Variants in LCOR observed in about 807,000 individuals in gnomAD.
The protein encoded by LCOR is ligand-dependent corepressor.
Under a neutral mutation model 64.4 loss-of-function variants are expected in LCOR, and 14 were observed. The ratio of observed to expected loss-of-function variants is 0.22; its 90% CI spans 0.14 to 0.34. The LOEUF is 0.34. Among genes scored for constraint, LCOR ranks in the 10% least tolerant of loss-of-function variants. LCOR has a pLI of 1.00. For missense variants in LCOR, 1,686 were observed against 1,765.3 expected, an observed-to-expected ratio of 0.96 and a Z score of 0.80; for synonymous variants, 643 against 642.5, an observed-to-expected ratio of 1.00 and a Z score of -0.01.
At chr10:96,859,327 A>G (rs1845851584) in intron 2 of LCOR, among the ~76,000 whole-genome samples, 1 of 152,134 alleles carries the variant, frequency 6.6e-6, no homozygotes, top group South Asian at 2.1e-4. Flanking sequence ...CTCCTGCCTC[A>G]GCCTCCCAAG....
chr10:96,894,982 T>C (rs1020488039), intron 2 of LCOR, among the ~76,000 whole-genome samples: 2 of 152,210 alleles, frequency 1.3e-5, no homozygotes, highest in African/African-American at 4.8e-5. Flanking sequence ...TTCAGTCTCT[T>C]TTTCTTTCTA....
Position 96,982,956 on chromosome 10 carries a change from A to G in LCOR, c.2496A>G (p.Arg832=). The change falls in exon 8 of 8, where the codon AGA becomes AGG. Residue 832 remains arginine, a synonymous_variant. Transcript: ENST00000421806. ...SDSSSADRCL[R]NQSSDSSSAC... is the part of the protein sequence containing the mutation. ...CTTCCTCTGCTGACAGATGCCTAAGAAATCAGAGTTCAGATTCTTCCTCAG... is the reference window on the plus strand; with the variant it reads ...CTTCCTCTGCTGACAGATGCCTAAGGAATCAGAGTTCAGATTCTTCCTCAG... The G allele has an allele frequency of 6.2e-7, 1 of 1,613,162 alleles. No individual in the cohort carries two copies. Among genetic ancestry groups the G allele is most frequent in the South Asian group, 1.1e-5 (1 of 90,860 alleles).
intron 7 of LCOR, chr10:96,957,135 T>C: frequency 1.0e-6 from 1 of 984,974 alleles, no homozygotes; most frequent in Non-Finnish European, 1.2e-6. Context: ...CTGATCCAAA[T>C]ACTAGTAGAA....
intron 5 of LCOR, among the ~76,000 whole-genome samples, chr10:96,947,910 T>C (rs1310036209): frequency 6.6e-6 from 1 of 152,164 alleles, no homozygotes; most frequent in East Asian, 1.9e-4. Flanking sequence ...ATTGATTTGA[T>C]TGACCTATTT....
chr10:96,853,374 G>A (rs779453120), intron 2 of LCOR, among the ~76,000 whole-genome samples: 32 of 152,248 alleles, frequency 2.1e-4, no homozygotes, highest in Non-Finnish European at 4.1e-4. Context: ...ATCATAAACG[G>A]AAGAATAAAA....
intron 2 of LCOR, among the ~76,000 whole-genome samples, chr10:96,860,888 G>T (rs1010089619): frequency 1.3e-5 from 2 of 152,162 alleles, no homozygotes; most frequent in African/African-American, 4.8e-5. Context: ...AACGCCTACA[G>T]TAAATACATG....
intron 7 of LCOR, among the ~76,000 whole-genome samples, chr10:96,978,906 C>T (rs1405427772): frequency 6.6e-6 from 1 of 152,238 alleles, no homozygotes; most frequent in Non-Finnish European, 1.5e-5. Flanking sequence ...TCACAACAAT[C>T]CTTTGAGATA....
intron 4 of LCOR, among the ~76,000 whole-genome samples, chr10:96,931,462 C>G (rs982270235): frequency 6.6e-5 from 10 of 152,224 alleles, no homozygotes; most frequent in African/African-American, 2.4e-4. Context: ...TCTCAAACTC[C>G]TGACCTCAAG....
intron 7 of LCOR, among the ~76,000 whole-genome samples, chr10:96,969,563 A>G (rs1847979204): frequency 6.6e-6 from 1 of 152,168 alleles, no homozygotes; most frequent in Non-Finnish European, 1.5e-5. Flanking sequence ...TTGCATGGGT[A>G]GTAGAGTTTG....
intron 4 of LCOR, among the ~76,000 whole-genome samples, chr10:96,935,921 T>A (rs573178376): frequency 6.6e-6 from 1 of 152,220 alleles, no homozygotes; most frequent in South Asian, 2.1e-4. Context: ...TTGAAAATGA[T>A]GAAGATCTGT....
At chr10:96,841,129 G>A (rs1845532516) in intron 2 of LCOR, among the ~76,000 whole-genome samples, 1 of 152,188 alleles carries the variant, frequency 6.6e-6, no homozygotes, top group Non-Finnish European at 1.5e-5. Context: ...GAGGGACAGA[G>A]TGAGACCCTG....
intron 4 of LCOR, among the ~76,000 whole-genome samples, chr10:96,936,084 A>T (rs932864122): frequency 2.6e-5 from 4 of 152,262 alleles, no homozygotes; most frequent in African/African-American, 9.6e-5. Flanking sequence ...CGTTTAACAG[A>T]TAATCAGAAT....
At chr10:96,958,250 C>T in intron 7 of LCOR, 1 of 1,329,146 alleles carries the variant, frequency 7.5e-7, no homozygotes. Flanking sequence ...AAAAATCTGG[C>T]CCTAAAAGTT....
chr10:96,956,238 T>G (rs944686406), intron 7 of LCOR: 135 of 1,037,062 alleles, frequency 1.3e-4, no homozygotes, highest in African/African-American at 3.1e-4. Flanking sequence ...TTTGTTTTTT[T>G]TTGTTGTTGT....
At chr10:96,871,941 G>A (rs1846079205) in intron 2 of LCOR, among the ~76,000 whole-genome samples, 1 of 152,184 alleles carries the variant, frequency 6.6e-6, no homozygotes, top group Non-Finnish European at 1.5e-5. Flanking sequence ...ATAGAGTCAA[G>A]ATAGAATCAC....
chr10:96,832,895 C>T, intron 1 of LCOR: 2 of 750,758 alleles, frequency 2.7e-6, no homozygotes, highest in Non-Finnish European at 3.2e-6. Context: ...GCGCGGGGCG[C>T]GCCCCCGGGT....
chr10:96,992,235 A>C lies in LCOR; in HGVS notation c.*7101A>C, dbSNP rs938933925. 6.6e-6 allele frequency: 1 copy of C among 152,208 alleles called. No individual in the cohort carries two copies. The highest frequency in any genetic ancestry group is 6.5e-5 in the Admixed American group (1 of 15,284). The allele number at this position is 152,208 out of a possible 1,614,324, so 9.4% of individuals were successfully genotyped here. On this transcript the variant is annotated 3_prime_UTR_variant, in exon 8 of 8. Coordinates refer to ENST00000421806, the MANE Select transcript of LCOR (RefSeq NM_001346516.2). ...TGTGTTAGTAACTGGTTTCAAATAC[A>C]TATATATAATATTTATACACACCAC... is the stretch of plus-strand genomic sequence containing the variant.
At chr10:96,937,921 G>A (rs902877229) in intron 4 of LCOR, among the ~76,000 whole-genome samples, 1 of 152,172 alleles carries the variant, frequency 6.6e-6, no homozygotes, top group African/African-American at 2.4e-5. Flanking sequence ...TATCCCAGGA[G>A]TGCAAAGTTG....
At chr10:96,950,931 T>C (rs1164920543) in intron 6 of LCOR, among the ~76,000 whole-genome samples, 2 of 152,150 alleles carry the variant, frequency 1.3e-5, no homozygotes, top group African/African-American at 4.8e-5. Context: ...TATAAGCTTA[T>C]AATTATATTT....
Sources: allele counts gnomAD v4.1 joint callset (sites outside exome capture counted in the v4.1 genomes callset), GRCh38; gene constraint gnomAD v4.1.1; transcripts MANE v1.5; gene names NCBI Gene and HGNC (gene_info 2026-07-23, HGNC 2026-07-21).